The following ERICH6 variants were observed in gnomAD, a reference collection of about 807,000 sequenced individuals.
ERICH6 encodes the protein glutamate rich 6.
A neutral mutation model predicts 71.0 loss-of-function variants in ERICH6; 71 were observed. That is an observed-to-expected ratio of 1.00 (90% confidence interval 0.83 to 1.22). The LOEUF (loss-of-function observed/expected upper bound fraction) is 1.22, where lower values mean the gene tolerates loss of function less well. ERICH6 is among the 50% of genes most tolerant of loss of function. The pLI is 0.00. For synonymous variants in ERICH6, 262 were observed against 278.4 expected, an observed-to-expected ratio of 0.94 and a Z score of 0.59; for missense variants, 808 against 797.2, an observed-to-expected ratio of 1.01 and a Z score of -0.16.
chr3:150,675,391 C>T (rs1711612778), intron 10 of ERICH6, among the ~76,000 whole-genome samples: 1 of 152,014 alleles, frequency 6.6e-6, no homozygotes, highest in Non-Finnish European at 1.5e-5. Flanking sequence ...CTCTGTTGCC[C>T]AGGCTGCTGT....
chr3:150,694,174 T>C (rs988593037), intron 3 of ERICH6, among the ~76,000 whole-genome samples: 27 of 152,148 alleles, frequency 1.8e-4, no homozygotes, highest in African/African-American at 6.3e-4. Flanking sequence ...ATTTTAGCCA[T>C]GAAAGATCAG....
intron 6 of ERICH6, among the ~76,000 whole-genome samples, chr3:150,683,540 G>T (rs1039353194): frequency 1.3e-5 from 2 of 152,080 alleles, no homozygotes; most frequent in Non-Finnish European, 2.9e-5. Flanking sequence ...GAGGCAGGCC[G>T]ATCACCTGAG....
Position 150,703,635 on chromosome 3 carries a change from G to A in ERICH6, c.264C>T (p.Asp88=), listed in dbSNP as rs149284358. Residue 88 remains aspartate, a synonymous_variant, in exon 1 of 14, where the codon GAC becomes GAT. Transcript: ENST00000295910. ...LWKVTDIGDY[D]DDFPDVRPRL... is the part of the protein sequence containing the mutation. ...GGGGGCGCACGTCTGGGAAGTCGTCGTCGTAGTCACCGATGTCCGTGACCT... is the reference window on the plus strand; with the variant it reads ...GGGGGCGCACGTCTGGGAAGTCGTCATCGTAGTCACCGATGTCCGTGACCT... The A allele has an allele frequency of 1.2e-6, 2 of 1,613,902 alleles. No homozygotes were observed. Among genetic ancestry groups the A allele is most frequent in the South Asian group, 1.1e-5 (1 of 91,068 alleles).
In ERICH6 at chr3:150,659,996, AG is replaced by A. The variant is rs780086889; in HGVS notation, c.1887del (p.Tyr630ThrfsTer7). 5.0e-6 allele frequency: 8 copies of A among 1,614,216 alleles called. No individual in the cohort carries two copies. In the South Asian group the frequency reaches 7.7e-5, roughly 16 times the overall value. On this transcript the variant is annotated frameshift_variant, in exon 14 of 14. Transcript: ENST00000295910. LOFTEE classifies it low-confidence loss of function (END_TRUNC). Reference sequence around the variant, plus strand: ...AGTTTTAGAGAAAGTGAAGAAAGGTAGGAAGGTTGCTTTAATTTTTCCCAAA... The same window carrying A: ...AGTTTTAGAGAAAGTGAAGAAAGGTAGAAGGTTGCTTTAATTTTTCCCAAA... ...SQVWEKLKQP[S>X]YLSSLSLKLI...
At chr3:150,693,455 C>G (rs1014899666) in intron 3 of ERICH6, among the ~76,000 whole-genome samples, 1 of 152,114 alleles carries the variant, frequency 6.6e-6, no homozygotes, top group Admixed American at 6.6e-5. Context: ...GGCCTAGGAG[C>G]CCCAACTTTT....
chr3:150,692,880 A>G (rs927639850), intron 3 of ERICH6, among the ~76,000 whole-genome samples: 2 of 152,210 alleles, frequency 1.3e-5, no homozygotes, highest in East Asian at 3.9e-4. Context: ...CAGGTTTCTG[A>G]TAACTTCAGA....
intron 6 of ERICH6, among the ~76,000 whole-genome samples, chr3:150,683,521 T>G (rs1414093941): frequency 6.6e-6 from 1 of 152,026 alleles, no homozygotes; most frequent in East Asian, 1.9e-4. Context: ...TCCCGCACTT[T>G]GGGAGGCCGA....
chr3:150,666,138 C>A (rs1446563520), intron 13 of ERICH6, among the ~76,000 whole-genome samples: 6 of 152,240 alleles, frequency 3.9e-5, no homozygotes, highest in African/African-American at 1.4e-4. Flanking sequence ...AATCTGCAAC[C>A]TGAATTCCAC....
chr3:150,668,063 A>G (rs1180476442), intron 12 of ERICH6, among the ~76,000 whole-genome samples: 1 of 152,220 alleles, frequency 6.6e-6, no homozygotes, highest in African/African-American at 2.4e-5. Context: ...TCTAATAACA[A>G]AAGCACAAAT....
At chr3:150,686,996 C>T (rs1295023618) in intron 3 of ERICH6, among the ~76,000 whole-genome samples, 1 of 152,178 alleles carries the variant, frequency 6.6e-6, no homozygotes. Context: ...CATGGCAAAA[C>T]CCTGTCTCTA....
chr3:150,661,370 C>G (rs1015809539), intron 13 of ERICH6, among the ~76,000 whole-genome samples: 2 of 152,192 alleles, frequency 1.3e-5, no homozygotes, highest in African/African-American at 4.8e-5. Context: ...GGCACTAGCG[C>G]TAGCCTTCTA....
intron 3 of ERICH6, among the ~76,000 whole-genome samples, chr3:150,687,689 G>C (rs919003222): frequency 6.6e-6 from 1 of 152,170 alleles, no homozygotes; most frequent in African/African-American, 2.4e-5. Flanking sequence ...ACATAGGATT[G>C]GAATGATGAA....
At chr3:150,667,069 T>C in intron 12 of ERICH6, 54 bp from the exon 13 acceptor site, 1 of 1,509,050 alleles carries the variant, frequency 6.6e-7, no homozygotes, top group Admixed American at 1.8e-5. Flanking sequence ...AATTAAATAC[T>C]GGAATTATCC....
rs746332306 is a variant in ERICH6 at position 150,678,527 on chromosome 3, T to C, written c.1139A>G (p.Tyr380Cys). ...DDSKRLKTIS[Y>C]QLSVDIPEKQ... ...TTCTGGAATATCCACAGAAAGTTGA[T>C]AAGAAATTGTTTTTAAGCGCTTTGA... The change falls in exon 10 of 14, where the codon TAT becomes TGT. Residue 380 changes from tyrosine to cysteine, a missense_variant. Coordinates refer to ENST00000295910, the MANE Select transcript of ERICH6 (RefSeq NM_152394.5). 3 of 1,601,196 alleles carry C rather than the reference T, an allele frequency of 1.9e-6. No individual in the cohort carries two copies. Among genetic ancestry groups the C allele is most frequent in the Non-Finnish European group, 2.5e-6 (3 of 1,176,940 alleles).
intron 6 of ERICH6, 29 bp from the exon 7 acceptor site, chr3:150,682,345 A>G: frequency 2.6e-6 from 4 of 1,552,582 alleles, no homozygotes; most frequent in Non-Finnish European, 3.5e-6. Context: ...AAAATTAAAG[A>G]AGTCCCCACA....
chr3:150,688,055 C>T (rs112296893), intron 3 of ERICH6, among the ~76,000 whole-genome samples: 38 of 152,134 alleles, frequency 2.5e-4, no homozygotes, highest in African/African-American at 8.4e-4. Context: ...GAGGTTGAGG[C>T]TGTAGTGAGC....
At chr3:150,693,610 A>G (rs573715696) in intron 3 of ERICH6, among the ~76,000 whole-genome samples, 4 of 149,366 alleles carry the variant, frequency 2.7e-5, no homozygotes, top group African/African-American at 9.8e-5. Context: ...TTAAAAGCCT[A>G]TGTAAAAATA....
At chr3:150,699,042 CAG>C (rs1198163306) in intron 2 of ERICH6, among the ~76,000 whole-genome samples, 160 bp from the exon 3 acceptor site, 1 of 152,068 alleles carries the variant, frequency 6.6e-6, no homozygotes, top group African/African-American at 2.4e-5. Flanking sequence ...AAAGTTAACT[CAG>C]TGTGTTTGCA....
At chr3:150,686,126 G>A in intron 4 of ERICH6, 105 bp from the exon 5 acceptor site, 1 of 1,197,134 alleles carries the variant, frequency 8.4e-7, no homozygotes, top group Non-Finnish European at 1.2e-6. Flanking sequence ...TCCTTGCCCA[G>A]CACGCACACA....
Sources: allele counts gnomAD v4.1 joint callset (sites outside exome capture counted in the v4.1 genomes callset), GRCh38; gene constraint gnomAD v4.1.1; transcripts MANE v1.5; gene names NCBI Gene and HGNC (gene_info 2026-07-23, HGNC 2026-07-21).